SUSD4: variants seen among roughly 807,000 people sequenced by gnomAD.
The protein encoded by SUSD4 is sushi domain containing 4.
Under a neutral mutation model 50.5 loss-of-function variants are expected in SUSD4, and 41 were observed. The ratio of observed to expected loss-of-function variants is 0.81; its 90% CI spans 0.63 to 1.05. The LOEUF is 1.05. Ranked by LOEUF, SUSD4 falls within the 50% of genes least tolerant of loss-of-function variation. The pLI is 0.00. For synonymous variants in SUSD4, 257 were observed against 257.3 expected, an observed-to-expected ratio of 1.00 and a Z score of 0.01; for missense variants, 580 against 634.7, an observed-to-expected ratio of 0.91 and a Z score of 0.93.
rs1659782870 is a variant in SUSD4 at position 223,229,975 on chromosome 1, C to A, written c.725-587G>T. The stretch of plus-strand genomic sequence containing the variant: ...AGAGTTAGGTGCCTTGGGCATGAGG[C>A]TTGGTTCTGCCACCAACACCACACT... On this transcript the variant is annotated intron_variant, in intron 5 of 8. Transcript: ENST00000366878. The surrounding 1 kb of genome is among the most constrained non-coding windows in gnomAD (Gnocchi z 4.7). Among the ~76,000 whole-genome samples the A allele has an allele frequency of 6.6e-6, 1 of 152,190 alleles. No individual in the cohort carries two copies.
At chr1:223,358,063 T>C (rs2102596149) in intron 2 of SUSD4, among the ~76,000 whole-genome samples, 1 of 152,312 alleles carries the variant, frequency 6.6e-6, no homozygotes, top group African/African-American at 2.4e-5. Context: ...TCAGAATCAA[T>C]AAATAACACT....
chr1:223,252,254 T>TATATATAA (rs1558183334), intron 5 of SUSD4, among the ~76,000 whole-genome samples: 1 of 142,310 alleles, frequency 7.0e-6, no homozygotes, highest in African/African-American at 2.6e-5. Flanking sequence ...TATATATATA[T>TATATATAA]AAAAGAAGAA....
chr1:223,254,667 C>A (rs1443584763), intron 5 of SUSD4, among the ~76,000 whole-genome samples: 1 of 151,878 alleles, frequency 6.6e-6, no homozygotes, highest in Non-Finnish European at 1.5e-5. Flanking sequence ...ACAAAAAGAT[C>A]AGTGTTTCTG....
chr1:223,262,383 C>T (rs1458876610), intron 5 of SUSD4, among the ~76,000 whole-genome samples: 1 of 152,076 alleles, frequency 6.6e-6, no homozygotes. Context: ...AAATCGTGTG[C>T]TTAGGAAGAC....
chr1:223,309,413 C>T (rs1200435047), intron 2 of SUSD4, among the ~76,000 whole-genome samples: 1 of 152,076 alleles, frequency 6.6e-6, no homozygotes, highest in Admixed American at 6.6e-5. Context: ...GACAGAGACC[C>T]CGGAGAGCTT....
At chr1:223,278,704 T>C (rs1663459568) in intron 3 of SUSD4, among the ~76,000 whole-genome samples, 1 of 152,160 alleles carries the variant, frequency 6.6e-6, no homozygotes, top group Non-Finnish European at 1.5e-5. Flanking sequence ...TCTGACAGCT[T>C]TGAAGAGAGT....
At chr1:223,300,243 C>T (rs1665096010) in intron 2 of SUSD4, among the ~76,000 whole-genome samples, 1 of 152,176 alleles carries the variant, frequency 6.6e-6, no homozygotes, top group Non-Finnish European at 1.5e-5. Context: ...TTTGTGACCT[C>T]AGGAACAAAT....
intron 5 of SUSD4, among the ~76,000 whole-genome samples, chr1:223,233,274 G>A (rs955619547): frequency 3.9e-5 from 6 of 152,162 alleles, no homozygotes; most frequent in African/African-American, 7.2e-5. Flanking sequence ...ATTGCACCTG[G>A]CAGACCATTA....
chr1:223,335,159 T>C (rs1464176197), intron 2 of SUSD4, among the ~76,000 whole-genome samples: 1 of 152,234 alleles, frequency 6.6e-6, no homozygotes, highest in Non-Finnish European at 1.5e-5. Flanking sequence ...TTTTTGCAAT[T>C]GTGAATGTGC....
At chr1:223,255,429 C>T (rs1228139196) in intron 5 of SUSD4, among the ~76,000 whole-genome samples, 1 of 152,128 alleles carries the variant, frequency 6.6e-6, no homozygotes, top group Non-Finnish European at 1.5e-5. Context: ...GTCTCAAGTT[C>T]CTAAGGAGGC....
chr1:223,282,602 G>A (rs1375123609), intron 3 of SUSD4, among the ~76,000 whole-genome samples: 3 of 152,176 alleles, frequency 2.0e-5, no homozygotes, highest in East Asian at 3.8e-4. Flanking sequence ...ATATGAACAA[G>A]TGGAAGAACA....
At position 223,229,296 on chromosome 1, in the gene SUSD4, A is replaced by C; in HGVS notation, c.817T>G (p.Tyr273Asp). 1 of 1,613,510 alleles carries C rather than the reference A, an allele frequency of 6.2e-7. No individual in the cohort carries two copies. Among genetic ancestry groups the C allele is most frequent in the South Asian group, 1.1e-5 (1 of 91,058 alleles). The change falls in exon 6 of 9, where the codon TAC becomes GAC. Residue 273 changes from tyrosine to aspartate, a missense_variant. Coordinates refer to ENST00000366878, the MANE Select transcript of SUSD4 (RefSeq NM_017982.4). The surrounding 1 kb of genome is among the most constrained non-coding windows in gnomAD (Gnocchi z 4.7). ...GTGAGGCTGTAGCCAGGATCGCAGT[A>C]AAACTCCACCACAGTTCCGTGGTTG... The part of the protein sequence containing the change: ...RYNHGTVVEF[Y>D]CDPGYSLTSD...
At chr1:223,351,725 A>G (rs1668377765) in intron 2 of SUSD4, among the ~76,000 whole-genome samples, 1 of 152,186 alleles carries the variant, frequency 6.6e-6, no homozygotes, top group Non-Finnish European at 1.5e-5. Context: ...TTCCAAGTCC[A>G]TGCATCATCC....
At chr1:223,265,453 TG>T (rs1662427792) in intron 4 of SUSD4, among the ~76,000 whole-genome samples, 1 of 152,230 alleles carries the variant, frequency 6.6e-6, no homozygotes, top group South Asian at 2.1e-4. Flanking sequence ...CACAGGCTGC[TG>T]GGCCCACCTG....
chr1:223,346,353 T>A (rs993223381), intron 2 of SUSD4, among the ~76,000 whole-genome samples: 3 of 152,194 alleles, frequency 2.0e-5, no homozygotes, highest in Admixed American at 6.5e-5. Flanking sequence ...ATTAGGAAAT[T>A]CATTTTCCTA....
chr1:223,252,979 T>C (rs895183329), intron 5 of SUSD4, among the ~76,000 whole-genome samples: 6 of 151,874 alleles, frequency 4.0e-5, no homozygotes, highest in African/African-American at 1.4e-4. Flanking sequence ...TAGTACCAGC[T>C]AGTTGGGAGG....
chr1:223,260,842 C>T (rs796429517), intron 5 of SUSD4, among the ~76,000 whole-genome samples: 8 of 152,298 alleles, frequency 5.3e-5, no homozygotes, highest in African/African-American at 1.4e-4. Flanking sequence ...GCTGCCAAAG[C>T]GTTTCCTTCC....
chr1:223,329,291 T>G (rs369823474), intron 2 of SUSD4, among the ~76,000 whole-genome samples: 1 of 152,326 alleles, frequency 6.6e-6, no homozygotes, highest in East Asian at 1.9e-4. Flanking sequence ...CTACTCAAGT[T>G]GTCCTATTCT....
intron 5 of SUSD4, among the ~76,000 whole-genome samples, chr1:223,257,947 T>C (rs1039101048): frequency 2.0e-5 from 3 of 152,198 alleles, no homozygotes; most frequent in Non-Finnish European, 4.4e-5. Context: ...CTCCTCTTTA[T>C]GTCTGAAGTT....
Sources: gnomAD v4.1 joint callset for allele counts (sites outside exome capture counted in the v4.1 genomes callset) on GRCh38, gnomAD v4.1.1 for gene constraint, Gnocchi (gnomAD v3.1) non-coding constraint, MANE v1.5 for transcripts, NCBI Gene and HGNC (gene_info 2026-07-23, HGNC 2026-07-21) for gene names.